The following TOX2 variants were observed in gnomAD, a reference collection of about 807,000 sequenced individuals.
TOX2 encodes granulosa cell HMG box 1.
TOX2 carries 15 observed loss-of-function variants against 47.4 expected under a neutral mutation model. The observed-to-expected ratio is 0.32, with a 90% CI of 0.21 to 0.49. The LOEUF is 0.49. TOX2 is among the 20% of genes least tolerant of loss of function. The pLI, the probability that TOX2 is intolerant of heterozygous loss-of-function variation, is 0.99. For missense variants in TOX2, 622 were observed against 673.1 expected, an observed-to-expected ratio of 0.92 and a Z score of 0.84; for synonymous variants, 290 against 296.6, an observed-to-expected ratio of 0.98 and a Z score of 0.23.
At chr20:44,033,829 G>A (rs578130959) in intron 3 of TOX2, among the ~76,000 whole-genome samples, 4 of 152,138 alleles carry the variant, frequency 2.6e-5, no homozygotes, top group Non-Finnish European at 5.9e-5. Context: ...CTCCTGCAAC[G>A]GAAGGAATTT....
chr20:44,035,104 A>G (rs1215267044), intron 3 of TOX2, among the ~76,000 whole-genome samples: 1 of 152,242 alleles, frequency 6.6e-6, no homozygotes, highest in Admixed American at 6.5e-5. Flanking sequence ...GGCCACTGCC[A>G]TAGACTGTAC....
chr20:44,069,584 C>CTCTT lies in TOX2; in HGVS notation c.*900_*903dup, dbSNP rs1407554270. 5 of 152,760 alleles carry CTCTT rather than the reference C, an allele frequency of 3.3e-5. No individual in the cohort carries two copies. Among genetic ancestry groups the CTCTT allele is most frequent in the African/African-American group, 9.6e-5 (4 of 41,460 alleles). 9.5% of individuals were successfully genotyped at this position (152,760 alleles called of 1,614,324 possible). On this transcript the variant is annotated 3_prime_UTR_variant, in exon 9 of 9. Coordinates refer to ENST00000341197, the MANE Select transcript of TOX2 (RefSeq NM_001098797.2). ...TTGGTGCCCAGTGCTTCTCTCAAAT[C>CTCTT]TCTTTATAATAAAACTTCTGAAAAG...
At chr20:44,037,007 T>A (rs1354847431) in intron 3 of TOX2, among the ~76,000 whole-genome samples, 1 of 152,190 alleles carries the variant, frequency 6.6e-6, no homozygotes, top group Non-Finnish European at 1.5e-5. Flanking sequence ...CAGGCTGGAG[T>A]GCAATGGTGC....
intron 1 of TOX2, among the ~76,000 whole-genome samples, chr20:43,935,604 T>C (rs946507050): frequency 3.9e-5 from 6 of 152,128 alleles, no homozygotes; most frequent in African/African-American, 1.4e-4. Context: ...TCAGAGAAAC[T>C]TGCCCAAGGT....
At chr20:43,946,639 C>T (rs894197253) in intron 1 of TOX2, among the ~76,000 whole-genome samples, 1 of 152,220 alleles carries the variant, frequency 6.6e-6, no homozygotes, top group Non-Finnish European at 1.5e-5. Context: ...CAGTTGGGAT[C>T]TCTACGCAGC....
At chr20:43,922,463 C>T (rs758389361) in intron 1 of TOX2, among the ~76,000 whole-genome samples, 17 of 152,114 alleles carry the variant, frequency 1.1e-4, no homozygotes, top group Non-Finnish European at 2.1e-4. Context: ...CAGCAGGCAC[C>T]GTGCTTTCTG....
intron 5 of TOX2, among the ~76,000 whole-genome samples, chr20:44,060,079 G>A (rs149118020): frequency 4.6e-5 from 7 of 152,278 alleles, no homozygotes; most frequent in African/African-American, 1.7e-4. Context: ...CATGCAAATG[G>A]ATACCAAAAG....
intron 1 of TOX2, among the ~76,000 whole-genome samples, chr20:43,938,632 C>G (rs564058447): frequency 6.6e-5 from 10 of 152,276 alleles, no homozygotes; most frequent in African/African-American, 2.4e-4. Flanking sequence ...TAATATCCCA[C>G]TTTACGGAGA....
intron 2 of TOX2, among the ~76,000 whole-genome samples, chr20:43,982,602 G>A (rs1485555939): frequency 6.6e-6 from 1 of 151,954 alleles, no homozygotes; most frequent in Non-Finnish European, 1.5e-5. Context: ...GTATGCCTGG[G>A]GAGCAGGGAG....
intron 1 of TOX2, among the ~76,000 whole-genome samples, chr20:43,961,821 C>T (rs561538954): frequency 1.4e-3 from 216 of 152,170 alleles, no homozygotes; most frequent in Non-Finnish European, 2.7e-3. Flanking sequence ...TTGGCATCCC[C>T]CACAGCAGAA....
chr20:43,931,012 C>T (rs541121729), intron 1 of TOX2, among the ~76,000 whole-genome samples: 5 of 152,300 alleles, frequency 3.3e-5, no homozygotes, highest in African/African-American at 7.2e-5. Flanking sequence ...ACTAGAATGT[C>T]GGCTTTGGAA....
chr20:43,951,707 G>GGTTTTTTTGTTTTTTTTTTTT (rs745489872), intron 1 of TOX2, among the ~76,000 whole-genome samples: 1 of 55,096 alleles, frequency 1.8e-5, no homozygotes, highest in African/African-American at 5.4e-5. Context: ...AACTTATTAT[G>GGTTTTTTTGTTTTTTTTTTTT]TTTTTTTTTT....
At position 44,051,465 on chromosome 20, in the gene TOX2, C is replaced by T. The variant is rs1228906571; in HGVS notation, c.571C>T (p.Pro191Ser). Residue 191 changes from proline (P) to serine (S), a missense_variant, in exon 4 of 9, where the codon CCA (proline) becomes TCA (serine). Physicochemically the swap from Pro to Ser is moderately conservative, Grantham distance 74. Transcript: ENST00000341197. ...CCGGAGCAGCATCGCCCACAGCTCCCCATCACCGCCGGGGAGCAAGTCAGC... is the reference window on the plus strand; with the variant it reads ...CCGGAGCAGCATCGCCCACAGCTCCTCATCACCGCCGGGGAGCAAGTCAGC... ...GIRSSIAHSS[P>S]SPPGSKSATP... 2 of 1,613,702 alleles carry T rather than the reference C, an allele frequency of 1.2e-6. No individual in the cohort carries two copies. The highest frequency in any genetic ancestry group is 1.7e-5 in the Admixed American group (1 of 59,990).
At chr20:43,919,614 C>T (rs1012960558) in intron 1 of TOX2, among the ~76,000 whole-genome samples, 2 of 152,164 alleles carry the variant, frequency 1.3e-5, no homozygotes, top group African/African-American at 4.8e-5. Flanking sequence ...ATGAACCCAT[C>T]ACCTAGGAGT....
intron 3 of TOX2, among the ~76,000 whole-genome samples, chr20:44,049,575 C>G (rs2071473415): frequency 6.6e-6 from 1 of 152,196 alleles, no homozygotes; most frequent in Non-Finnish European, 1.5e-5. Flanking sequence ...CGGTGGTTTG[C>G]TGTACCTATC....
At chr20:44,031,173 G>A (rs940259882) in intron 3 of TOX2, among the ~76,000 whole-genome samples, 7 of 152,168 alleles carry the variant, frequency 4.6e-5, no homozygotes, top group African/African-American at 1.7e-4. Flanking sequence ...GGCAGGTGGG[G>A]GAAGGTGGGC....
chr20:43,923,663 G>A (rs2069135153), intron 1 of TOX2, among the ~76,000 whole-genome samples: 1 of 152,214 alleles, frequency 6.6e-6, no homozygotes, highest in South Asian at 2.1e-4. Context: ...ATGGTTAGGT[G>A]TCCTTCTCAA....
At chr20:43,934,082 T>TG (rs767262717) in intron 1 of TOX2, among the ~76,000 whole-genome samples, 20 of 96,220 alleles carry the variant, frequency 2.1e-4, no homozygotes, top group Non-Finnish European at 3.2e-4. Context: ...AGGGTGGGGA[T>TG]GGGGGGAGGG....
intron 2 of TOX2, among the ~76,000 whole-genome samples, chr20:43,976,782 G>GCACACACACA (rs11086916): frequency 9.4e-4 from 138 of 146,540 alleles, no homozygotes; most frequent in African/African-American, 3.5e-3. Flanking sequence ...GAGCGCGCGC[G>GCACACACACA]CACACACACA....
Sources: allele counts gnomAD v4.1 joint callset (sites outside exome capture counted in the v4.1 genomes callset), GRCh38; gene constraint gnomAD v4.1.1; transcripts MANE v1.5; gene names NCBI Gene and HGNC (gene_info 2026-07-23, HGNC 2026-07-21).